The following TM9SF2 variants were observed in gnomAD, a reference collection of about 807,000 sequenced individuals.
TM9SF2 encodes the protein transmembrane 9 superfamily member 2.
TM9SF2 carries 13 observed loss-of-function variants against 84.9 expected under a neutral mutation model. The ratio of observed to expected loss-of-function variants is 0.15; its 90% CI spans 0.10 to 0.24. The LOEUF (loss-of-function observed/expected upper bound fraction) is 0.24, where lower values mean the gene tolerates loss of function less well. TM9SF2 is among the 10% of genes least tolerant of loss of function. TM9SF2 has a pLI of 1.00. For synonymous variants in TM9SF2, 273 were observed against 285.8 expected, an observed-to-expected ratio of 0.96 and a Z score of 0.45; for missense variants, 562 against 818.5, an observed-to-expected ratio of 0.69 and a Z score of 3.82.
chr13:99,539,646 G>T (rs2046249931), intron 7 of TM9SF2, 89 bp downstream of exon 7: 1 of 880,638 alleles, frequency 1.1e-6, no homozygotes, highest in South Asian at 1.5e-5. Flanking sequence ...GATTATGCTT[G>T]TCAAATAAAG....
rs904563446 is a variant in TM9SF2, at chr13:99,559,488, C to T, written c.1878C>T (p.Tyr626=). 2.5e-6 allele frequency: 4 copies of T among 1,613,692 alleles called. No homozygotes were observed. The African/African-American group carries it at 4.0e-5, about 16-fold the overall frequency. ...QITGTASTIL[Y]FGYTMIMVLI... The stretch of plus-strand genomic sequence containing the variant: ...CGGGAACAGCAAGCACAATTCTGTA[C>T]TTTGGTTATACCATGATAATGGTTT... Residue 626 remains tyrosine (Y), a synonymous_variant, in exon 16 of 17, where the codon TAC becomes TAT. Transcript: ENST00000376387.
At chr13:99,549,419 A>G (rs1346797299) in intron 12 of TM9SF2, among the ~76,000 whole-genome samples, 197 bp downstream of exon 12, 1 of 152,190 alleles carries the variant, frequency 6.6e-6, no homozygotes, top group Non-Finnish European at 1.5e-5. Context: ...TGGGGAAAGT[A>G]CCTTTAGACA....
At chr13:99,549,065 T>C (rs2046295292) in intron 11 of TM9SF2, 100 bp from the exon 12 acceptor site, 1 of 927,268 alleles carries the variant, frequency 1.1e-6, no homozygotes, top group South Asian at 1.5e-5. Flanking sequence ...TGAGTACTCA[T>C]TGCTGTCTGA....
chr13:99,537,722 T>G lies in TM9SF2; in HGVS notation c.592-17T>G. On this transcript the variant is annotated splice_polypyrimidine_tract_variant and intron_variant, in intron 5 of 16. Coordinates refer to ENST00000376387, the MANE Select transcript of TM9SF2 (RefSeq NM_004800.3). ...TAGTCAGTTTTCTACCTTTAACTTT[T>G]AAGTTCTGTTCTGCAGTCAGATTTC... The G allele has an allele frequency of 6.3e-7, 1 of 1,584,398 alleles. No individual in the cohort carries two copies. The highest frequency in any genetic ancestry group is 2.3e-5 in the East Asian group (1 of 43,954).
chr13:99,555,518 T>C lies in TM9SF2; in HGVS notation c.1641-18T>C, dbSNP rs1477578035. On this transcript the variant is annotated intron_variant, in intron 14 of 16. Coordinates refer to ENST00000376387, the MANE Select transcript of TM9SF2 (RefSeq NM_004800.3). ...ATTGAAAATATTTATAGTTCCTTCT[T>C]GACGTGTTTGATTATAGGTCACACC... 2 of 1,533,502 alleles carry C rather than the reference T, an allele frequency of 1.3e-6. No homozygotes were observed. Among genetic ancestry groups the C allele is most frequent in the South Asian group, 2.2e-5 (2 of 89,104 alleles). 95.0% of individuals were successfully genotyped at this position (1,533,502 alleles called of 1,614,324 possible).
At chr13:99,515,618 C>T (rs2046130570) in intron 1 of TM9SF2, among the ~76,000 whole-genome samples, 1 of 152,122 alleles carries the variant, frequency 6.6e-6, no homozygotes, top group Non-Finnish European at 1.5e-5. Context: ...CTGAATATTA[C>T]TAAATTTATT....
chr13:99,536,724 C>T lies in TM9SF2; in HGVS notation c.578C>T (p.Ala193Val). The T allele has an allele frequency of 6.2e-7, 1 of 1,613,242 alleles. No individual in the cohort carries two copies. Among genetic ancestry groups the T allele is most frequent in the Non-Finnish European group, 8.5e-7 (1 of 1,179,494 alleles). Residue 193 changes from alanine to valine, a missense_variant, in exon 5 of 17, where the codon GCC becomes GTC. Physicochemically the swap from Ala to Val is moderately conservative, Grantham distance 64. Transcript: ENST00000376387. ...ACAGATAAAGGCCATGCAAAAGATG[C>T]CTGTGTTATTAGTGTAAGTTCATGA... The part of the protein sequence containing the change: ...YITDKGHAKD[A>V]CVISSDFHER...
Position 99,537,850 on chromosome 13 carries a change from C to T in TM9SF2, c.703C>T (p.Leu235Phe). 1 of 1,603,272 alleles carries T rather than the reference C, an allele frequency of 6.2e-7. No homozygotes were observed. ...SMGARLVAAK[L>F]EPKSFKHTHI... ...GGGAGCAAGATTAGTGGCTGCTAAA[C>T]TTGAACCGAAAAGGTAATTATATTA... is the stretch of plus-strand genomic sequence containing the variant. The change falls in exon 6 of 17, where the codon CTT becomes TTT. Residue 235 changes from leucine (L) to phenylalanine (F), a missense_variant. By Grantham distance (22) the Leu-to-Phe change is conservative (BLOSUM62 0). Transcript: ENST00000376387.
intron 4 of TM9SF2, among the ~76,000 whole-genome samples, chr13:99,536,048 A>C (rs572648404): frequency 6.6e-6 from 1 of 151,950 alleles, no homozygotes; most frequent in Non-Finnish European, 1.5e-5. Flanking sequence ...ATATCTTGCA[A>C]TTGTATTCCT....
intron 1 of TM9SF2, among the ~76,000 whole-genome samples, chr13:99,514,643 C>A (rs2046126555): frequency 6.6e-6 from 1 of 152,220 alleles, no homozygotes; most frequent in Non-Finnish European, 1.5e-5. Flanking sequence ...TCATGCTGTT[C>A]TTTCCCGTGC....
chr13:99,529,901 G>A (rs1297849681), intron 4 of TM9SF2, among the ~76,000 whole-genome samples: 2 of 152,106 alleles, frequency 1.3e-5, no homozygotes, highest in Admixed American at 1.3e-4. Flanking sequence ...CTGAGGTTCA[G>A]TTCCATGCCA....
intron 16 of TM9SF2, among the ~76,000 whole-genome samples, chr13:99,562,213 C>T (rs1051863731): frequency 6.6e-6 from 1 of 152,160 alleles, no homozygotes; most frequent in African/African-American, 2.4e-5. Context: ...TCACTTTTAA[C>T]ATTTTGTAAA....
At chr13:99,556,548 A>G (rs2390280) in intron 15 of TM9SF2, among the ~76,000 whole-genome samples, 134,721 of 150,630 alleles carry the variant, frequency 0.89, 60,279 homozygotes, top group Admixed American at 0.93. Flanking sequence ...TCATCATATC[A>G]TGGCATGTAT....
At chr13:99,529,436 T>A (rs1421449256) in intron 3 of TM9SF2, 31 bp from the exon 4 acceptor site, 1 of 1,474,816 alleles carries the variant, frequency 6.8e-7, no homozygotes, top group Non-Finnish European at 9.0e-7. Flanking sequence ...ATATTTTTTC[T>A]GAATTTGCTT....
At chr13:99,531,436 G>C (rs1037187986) in intron 4 of TM9SF2, among the ~76,000 whole-genome samples, 1 of 152,114 alleles carries the variant, frequency 6.6e-6, no homozygotes, top group Non-Finnish European at 1.5e-5. Context: ...GCTGAGACCT[G>C]ACCAGATCCT....
intron 1 of TM9SF2, among the ~76,000 whole-genome samples, chr13:99,505,010 G>C (rs1368889242): frequency 6.6e-6 from 1 of 152,144 alleles, no homozygotes; most frequent in Non-Finnish European, 1.5e-5. Flanking sequence ...AAGACAAGAA[G>C]AAGTTTTTAG....
At chr13:99,534,829 G>A (rs2046226518) in intron 4 of TM9SF2, among the ~76,000 whole-genome samples, 1 of 152,132 alleles carries the variant, frequency 6.6e-6, no homozygotes, top group African/African-American at 2.4e-5. Flanking sequence ...AATACTACTT[G>A]TTAATTTAGG....
At chr13:99,532,817 T>C (rs2046216773) in intron 4 of TM9SF2, among the ~76,000 whole-genome samples, 1 of 152,236 alleles carries the variant, frequency 6.6e-6, no homozygotes, top group Admixed American at 6.5e-5. Flanking sequence ...TAAAATTTAC[T>C]GAATGATTTG....
At chr13:99,547,215 G>A (rs2046286581) in intron 11 of TM9SF2, 111 bp downstream of exon 11, 20 of 1,457,748 alleles carry the variant, frequency 1.4e-5, no homozygotes, top group Middle Eastern at 2.3e-4. Flanking sequence ...TGCCTCATAG[G>A]GGTCTGTTCT....
Sources: allele counts gnomAD v4.1 joint callset (sites outside exome capture counted in the v4.1 genomes callset), GRCh38; gene constraint gnomAD v4.1.1; transcripts MANE v1.5; gene names NCBI Gene and HGNC (gene_info 2026-07-23, HGNC 2026-07-21).